The following VPS13B variants were observed in gnomAD, a reference collection of about 807,000 sequenced individuals.
VPS13B encodes vacuolar protein sorting 13 homolog B.
Under a neutral mutation model 426.4 loss-of-function variants are expected in VPS13B, and 285 were observed. That is an observed-to-expected ratio of 0.67 (90% CI 0.61 to 0.74). VPS13B has a LOEUF of 0.74. Among genes scored for constraint, VPS13B ranks in the 30% least tolerant of loss-of-function variants. VPS13B has a pLI of 0.00. For missense variants in VPS13B, 4,537 were observed against 4,782.6 expected, an observed-to-expected ratio of 0.95 and a Z score of 1.51; for synonymous variants, 1,676 against 1,676.4, an observed-to-expected ratio of 1.00 and a Z score of 0.01.
At chr8:99,752,489 T>G (rs1036273318) in intron 39 of VPS13B, among the ~76,000 whole-genome samples, 1 of 152,170 alleles carries the variant, frequency 6.6e-6, no homozygotes, top group African/African-American at 2.4e-5. Flanking sequence ...AGTCAAGTAG[T>G]TGTAGAGTCA....
rs1283065395 is a variant in VPS13B at position 99,328,440 on chromosome 8, G to A, written c.2824+53186G>A. Among the ~76,000 whole-genome samples the A allele has an allele frequency of 2.0e-5, 3 of 152,298 alleles. No homozygotes were observed. The East Asian group carries it at 5.8e-4, about 29-fold the overall frequency. On this transcript the variant is annotated intron_variant, in intron 19 of 61. Coordinates refer to ENST00000357162, the MANE Select transcript of VPS13B (RefSeq NM_152564.5). ...TCACCTGAGGTCAGCAAGGCAGGAA[G>A]TTGAGCTGGGAAAACAGATATGAAG...
chr8:99,267,254 T>A (rs1818355075), intron 17 of VPS13B, among the ~76,000 whole-genome samples: 1 of 152,186 alleles, frequency 6.6e-6, no homozygotes, highest in Non-Finnish European at 1.5e-5. Flanking sequence ...AAAAGTTAAC[T>A]CTTGCTGTGC....
intron 3 of VPS13B, among the ~76,000 whole-genome samples, chr8:99,068,921 C>G (rs1029340970): frequency 3.3e-5 from 5 of 152,128 alleles, no homozygotes; most frequent in Admixed American, 3.3e-4. Flanking sequence ...AAATGGCTTG[C>G]AAGCCTAAAA....
chr8:99,809,361 G>GT lies in VPS13B; in HGVS notation c.7942-7dup, dbSNP rs748926858. On this transcript the variant is annotated splice_polypyrimidine_tract_variant and intron_variant, in intron 43 of 61. Transcript: ENST00000357162. ...CACGTTTGGCATTATGACGATTATT[G>GT]TTTTTTTCTCCAGCTGTTACACATC... 6.2e-6 allele frequency: 10 copies of GT among 1,613,798 alleles called. No individual in the cohort carries two copies. In the South Asian group the frequency reaches 6.6e-5, roughly 11 times the overall value.
chr8:99,755,900 TATATC>T (rs1368420153), intron 39 of VPS13B, among the ~76,000 whole-genome samples: 1 of 151,886 alleles, frequency 6.6e-6, no homozygotes, highest in Non-Finnish European at 1.5e-5. Context: ...TATAAAATCT[TATATC>T]ATTAAAAATG....
chr8:99,129,971 C>T (rs1485977309), intron 8 of VPS13B, among the ~76,000 whole-genome samples: 2 of 152,004 alleles, frequency 1.3e-5, no homozygotes, highest in Non-Finnish European at 2.9e-5. Context: ...GACCCATGAT[C>T]GTGCTACTGC....
intron 3 of VPS13B, among the ~76,000 whole-genome samples, chr8:99,081,810 C>T (rs1451992753): frequency 3.3e-5 from 5 of 151,990 alleles, no homozygotes; most frequent in African/African-American, 4.8e-5. Context: ...TTTATGGCTG[C>T]ATAGTATTCC....
chr8:99,016,104 A>G (rs867153753), intron 2 of VPS13B, among the ~76,000 whole-genome samples: 39 of 152,346 alleles, frequency 2.6e-4, no homozygotes, highest in Middle Eastern at 6.8e-3. Context: ...TCCATTGCAT[A>G]AAGATTCCAC....
At chr8:99,245,531 G>A (rs1208331142) in intron 17 of VPS13B, among the ~76,000 whole-genome samples, 1 of 152,082 alleles carries the variant, frequency 6.6e-6, no homozygotes, top group African/African-American at 2.4e-5. Flanking sequence ...TTCCTTTCTT[G>A]TCAAATGCCT....
chr8:99,820,309 C>G (rs796406598), intron 49 of VPS13B, among the ~76,000 whole-genome samples, 187 bp downstream of exon 49: 1 of 151,686 alleles, frequency 6.6e-6, no homozygotes, highest in Non-Finnish European at 1.5e-5. Flanking sequence ...TTTTAACCAT[C>G]AACACTATTG....
chr8:99,161,838 T>C (rs1427445811), intron 15 of VPS13B, among the ~76,000 whole-genome samples: 2 of 151,410 alleles, frequency 1.3e-5, no homozygotes, highest in African/African-American at 4.9e-5. Flanking sequence ...GTTCAAGCGA[T>C]TCTCCTGCCT....
At chr8:99,746,959 C>T (rs1321868966) in intron 39 of VPS13B, among the ~76,000 whole-genome samples, 1 of 152,088 alleles carries the variant, frequency 6.6e-6, no homozygotes, top group Non-Finnish European at 1.5e-5. Context: ...TTAAGGAACA[C>T]CATGACGTCC....
intron 23 of VPS13B, among the ~76,000 whole-genome samples, chr8:99,444,308 A>C (rs1489505879): frequency 6.6e-6 from 1 of 152,074 alleles, no homozygotes; most frequent in Non-Finnish European, 1.5e-5. Flanking sequence ...CATATTGGCC[A>C]GGCTGGTTTC....
chr8:99,155,970 G>A (rs1279761687), intron 14 of VPS13B, among the ~76,000 whole-genome samples: 8 of 152,148 alleles, frequency 5.3e-5, no homozygotes, highest in Non-Finnish European at 1.2e-4. Flanking sequence ...TTATTTGAAA[G>A]CTCAGAAAGA....
At chr8:99,745,522 A>T (rs1009933727) in intron 39 of VPS13B, among the ~76,000 whole-genome samples, 24 of 152,134 alleles carry the variant, frequency 1.6e-4, no homozygotes, top group Non-Finnish European at 2.9e-4. Context: ...TCTTTTGCTG[A>T]GCATAATTTA....
At chr8:99,612,027 A>G (rs1206406155) in intron 33 of VPS13B, among the ~76,000 whole-genome samples, 7 of 152,220 alleles carry the variant, frequency 4.6e-5, no homozygotes, top group Middle Eastern at 6.8e-3. Context: ...CACTTTTCAA[A>G]AGGGGGAACT....
At chr8:99,297,341 C>T (rs186692286) in intron 19 of VPS13B, among the ~76,000 whole-genome samples, 2 of 152,200 alleles carry the variant, frequency 1.3e-5, no homozygotes, top group Admixed American at 1.3e-4. Flanking sequence ...TTAATGTCAA[C>T]CTCTTAACAG....
intron 28 of VPS13B, among the ~76,000 whole-genome samples, chr8:99,510,006 TATG>T (rs1216810340): frequency 6.6e-6 from 1 of 152,218 alleles, no homozygotes; most frequent in African/African-American, 2.4e-5. Context: ...ATATTGAAGT[TATG>T]ATAATTTTTT....
chr8:99,710,749 T>C (rs1308842321), intron 36 of VPS13B, among the ~76,000 whole-genome samples: 1 of 150,136 alleles, frequency 6.7e-6, no homozygotes, highest in Admixed American at 6.8e-5. Flanking sequence ...CCCAGCACTT[T>C]GGGAGGCCAA....
Sources: gnomAD v4.1 joint callset for allele counts (sites outside exome capture counted in the v4.1 genomes callset) on GRCh38, gnomAD v4.1.1 for gene constraint, MANE v1.5 for transcripts, NCBI Gene and HGNC (gene_info 2026-07-23, HGNC 2026-07-21) for gene names.